MPPED2: variants seen among roughly 807,000 people sequenced by gnomAD.
MPPED2 encodes the protein metallophosphoesterase domain containing 2, also known as metallophosphoesterase MPPED2.
A neutral mutation model predicts 33.0 loss-of-function variants in MPPED2; 5 were observed. The observed-to-expected ratio is 0.15, with a 90% CI of 0.08 to 0.32. The LOEUF (loss-of-function observed/expected upper bound fraction) is 0.32. MPPED2 is among the 10% of genes least tolerant of loss of function. The pLI is 1.00. For synonymous variants in MPPED2, 136 were observed against 141.9 expected (o/e 0.96, Z 0.29); for missense variants, 275 against 372.1 (o/e 0.74, Z 2.15).
intron 6 of MPPED2, among the ~76,000 whole-genome samples, chr11:30,412,300 G>A (rs2133736096): frequency 6.7e-6 from 1 of 150,080 alleles, no homozygotes; most frequent in Admixed American, 6.7e-5. Context: ...TGATTTATTG[G>A]GAGAAAGTTG....
chr11:30,487,510 T>C (rs1292046648), intron 4 of MPPED2, among the ~76,000 whole-genome samples: 1 of 151,970 alleles, frequency 6.6e-6, no homozygotes, highest in Non-Finnish European at 1.5e-5. Context: ...AGAGACAGGG[T>C]TTCCCTCTGT....
intron 6 of MPPED2, among the ~76,000 whole-genome samples, chr11:30,390,627 G>A (rs592328): frequency 0.36 from 55,288 of 152,148 alleles, 10,362 homozygotes; most frequent in African/African-American, 0.39. Flanking sequence ...AGACTGTTTC[G>A]GTTAGCCTTT....
intron 2 of MPPED2, among the ~76,000 whole-genome samples, chr11:30,538,423 C>A (rs1362922669): frequency 1.3e-5 from 2 of 152,154 alleles, no homozygotes; most frequent in Non-Finnish European, 2.9e-5. Context: ...TTCTATGAAT[C>A]TACCCACTTT....
At chr11:30,402,220 C>A (rs1170999006) in intron 6 of MPPED2, among the ~76,000 whole-genome samples, 2 of 152,180 alleles carry the variant, frequency 1.3e-5, no homozygotes, top group African/African-American at 2.4e-5. Flanking sequence ...CTATTCACTG[C>A]AAATACTACG....
chr11:30,416,512 G>A (rs1948366207), intron 5 of MPPED2, among the ~76,000 whole-genome samples: 2 of 152,156 alleles, frequency 1.3e-5, no homozygotes, highest in Non-Finnish European at 2.9e-5. Context: ...CAAACCACAG[G>A]AAAATTTGTG....
chr11:30,509,580 C>A (rs756356886), intron 3 of MPPED2, among the ~76,000 whole-genome samples: 1 of 152,170 alleles, frequency 6.6e-6, no homozygotes, highest in African/African-American at 2.4e-5. Context: ...AATGAGCCTA[C>A]TGCCTAGGCC....
At chr11:30,495,673 A>C (rs1952218235) in intron 3 of MPPED2, 152 bp from the exon 4 acceptor site, 2 of 621,502 alleles carry the variant, frequency 3.2e-6, no homozygotes, top group Non-Finnish European at 5.7e-6. Flanking sequence ...TATGACTACT[A>C]CTTTATGCTA....
intron 4 of MPPED2, among the ~76,000 whole-genome samples, chr11:30,482,003 T>C (rs947338333): frequency 6.6e-6 from 1 of 152,072 alleles, no homozygotes; most frequent in Non-Finnish European, 1.5e-5. Flanking sequence ...ACCCGGATCA[T>C]ATACGTGATG....
At chr11:30,411,637 T>C (rs771948823) in intron 6 of MPPED2, 51 bp from the exon 7 acceptor site, 1 of 1,509,554 alleles carries the variant, frequency 6.6e-7, no homozygotes, top group South Asian at 1.3e-5. Flanking sequence ...ATGAGAGTGA[T>C]GGAATGTAGG....
chr11:30,567,946 C>T (rs1003448529), intron 2 of MPPED2, among the ~76,000 whole-genome samples: 1 of 152,176 alleles, frequency 6.6e-6, no homozygotes, highest in African/African-American at 2.4e-5. Context: ...ACCCTAAAAA[C>T]TTCTTCACAA....
chr11:30,400,127 CTAGAG>C (rs772400709), intron 6 of MPPED2, among the ~76,000 whole-genome samples: 16 of 152,270 alleles, frequency 1.1e-4, no homozygotes, highest in Non-Finnish European at 1.5e-4. Flanking sequence ...GTCATCCAGG[CTAGAG>C]TAGAGTGGCA....
intron 6 of MPPED2, among the ~76,000 whole-genome samples, chr11:30,412,681 A>G (rs1331756841): frequency 6.6e-6 from 1 of 152,158 alleles, no homozygotes; most frequent in Admixed American, 6.5e-5. Context: ...CTCTCCATCA[A>G]GAGGTTGGTA....
At chr11:30,531,025 T>C (rs1954491323) in intron 3 of MPPED2, among the ~76,000 whole-genome samples, 1 of 152,170 alleles carries the variant, frequency 6.6e-6, no homozygotes, top group South Asian at 2.1e-4. Context: ...AGTCTGGGAT[T>C]GGTATGCATT....
At chr11:30,471,190 G>A (rs770011667) in intron 4 of MPPED2, among the ~76,000 whole-genome samples, 4 of 152,032 alleles carry the variant, frequency 2.6e-5, no homozygotes, top group Non-Finnish European at 4.4e-5. Context: ...TTCACCTCAC[G>A]TGATGATGCT....
chr11:30,564,773 A>G (rs988099775), intron 2 of MPPED2, among the ~76,000 whole-genome samples: 2 of 152,188 alleles, frequency 1.3e-5, no homozygotes, highest in African/African-American at 4.8e-5. Flanking sequence ...TTATTTTAAA[A>G]AATCTAACCA....
Position 30,404,988 on chromosome 11 carries a change from G to A in MPPED2, c.766+9240C>T, listed in dbSNP as rs376344235. Among the ~76,000 whole-genome samples, 556 of 152,236 alleles carry A rather than the reference G, an allele frequency of 3.7e-3. 5 individuals are homozygous for A. The highest frequency in any genetic ancestry group is 0.013 in the African/African-American group (521 of 41,528). On this transcript the variant is annotated intron_variant, in intron 6 of 6. Coordinates refer to the MPPED2 transcript ENST00000448418. ...CCTTGGGGAGCTCATATGCAGACAC[G>A]CAACAATCAGAACGTGGCACAGCTG...
chr11:30,526,189 C>T (rs1954165093), intron 3 of MPPED2, among the ~76,000 whole-genome samples: 1 of 152,104 alleles, frequency 6.6e-6, no homozygotes, highest in African/African-American at 2.4e-5. Context: ...TTGTATTAAG[C>T]AAATACTCTT....
chr11:30,410,164 C>T (rs901931243), downstream of MPPED2: 1 of 985,500 alleles, frequency 1.0e-6, no homozygotes, highest in Non-Finnish European at 1.2e-6. Flanking sequence ...ATGAATAAAT[C>T]CCTCCTTCCC....
chr11:30,471,657 A>T (rs521436), intron 4 of MPPED2, among the ~76,000 whole-genome samples: 37,728 of 152,130 alleles, frequency 0.25, 5,418 homozygotes, highest in East Asian at 0.4. Context: ...CTAAGAGGCT[A>T]ATAAGGTTTT....
Sources: allele counts gnomAD v4.1 joint callset (sites outside exome capture counted in the v4.1 genomes callset), GRCh38; gene constraint gnomAD v4.1.1; transcripts MANE v1.5; gene names NCBI Gene and HGNC (gene_info 2026-07-23, HGNC 2026-07-21).